Variants in MAP4 observed in about 807,000 individuals in gnomAD.
MAP4 encodes microtubule-associated protein 4.
A neutral mutation model predicts 170.2 loss-of-function variants in MAP4; 76 were observed. The observed-to-expected ratio is 0.45, with a 90% confidence interval of 0.37 to 0.54. The LOEUF is 0.54. MAP4 is among the 20% of genes least tolerant of loss of function. MAP4 has a pLI of 0.00. For missense variants in MAP4, 2,506 were observed against 2,748.0 expected (o/e 0.91, Z 1.97); for synonymous variants, 909 against 994.5 (o/e 0.91, Z 1.62).
chr3:48,005,504 A>AG (rs1211960857), intron 1 of MAP4, among the ~76,000 whole-genome samples: 5 of 152,230 alleles, frequency 3.3e-5, no homozygotes, highest in African/African-American at 9.7e-5. Flanking sequence ...CCCACTAAGT[A>AG]GGGACTCTGC....
chr3:47,910,195 T>C lies in MAP4; in HGVS notation c.4226A>G (p.Asp1409Gly), dbSNP rs992709726. 2 of 1,613,358 alleles carry C rather than the reference T, an allele frequency of 1.2e-6. No homozygotes were observed. Among genetic ancestry groups the C allele is most frequent in the African/African-American group, 2.7e-5 (2 of 74,926 alleles). ...DQGIEGMAYM[D>G]ENRNITFTCP... ...GGTAAATGTAATATTTCTATTTTCGTCCATATAGGCCATTCCTTCAATTCC... is the reference window on the plus strand; with the variant it reads ...GGTAAATGTAATATTTCTATTTTCGCCCATATAGGCCATTCCTTCAATTCC... The change falls in exon 9 of 21, where the codon GAC becomes GGC. Residue 1409 changes from aspartate to glycine, a missense_variant. Coordinates refer to ENST00000683076, the MANE Select transcript of MAP4 (RefSeq NM_001385682.1).
chr3:47,892,327 G>C, intron 10 of MAP4: 1 of 1,536,252 alleles, frequency 6.5e-7, no homozygotes, highest in Non-Finnish European at 8.7e-7. Flanking sequence ...CGTCCATGCT[G>C]ACATTCAGCC....
chr3:47,896,160 T>A (rs1313103178), intron 10 of MAP4, among the ~76,000 whole-genome samples: 1 of 152,064 alleles, frequency 6.6e-6, no homozygotes, highest in African/African-American at 2.4e-5. Flanking sequence ...ATTGAGGGAA[T>A]ATATATAAAA....
chr3:47,946,654 C>T (rs1355624750), intron 3 of MAP4, among the ~76,000 whole-genome samples: 2 of 40,814 alleles, frequency 4.9e-5, no homozygotes, highest in African/African-American at 1.9e-4. Flanking sequence ...AACTCCGTCT[C>T]AAAAAAAAAA....
intron 11 of MAP4, 70 bp downstream of exon 11, chr3:47,877,347 G>T: frequency 8.7e-7 from 1 of 1,151,432 alleles, no homozygotes; most frequent in Non-Finnish European, 1.3e-6. Context: ...CGTGATTCAA[G>T]CAATAACAGC....
intron 11 of MAP4, 126 bp downstream of exon 11, chr3:47,877,291 A>G: frequency 1.4e-6 from 1 of 712,490 alleles, no homozygotes; most frequent in Non-Finnish European, 2.4e-6. Context: ...AAGCATGTCC[A>G]AACATGAGGA....
chr3:47,941,583 C>A (rs1339853773), intron 3 of MAP4, among the ~76,000 whole-genome samples: 2 of 150,848 alleles, frequency 1.3e-5, no homozygotes, highest in African/African-American at 4.9e-5. Context: ...CGAGACCAGC[C>A]TGGCTAACAT....
At chr3:48,035,462 C>T (rs1221147711) in intron 1 of MAP4, among the ~76,000 whole-genome samples, 2 of 151,360 alleles carry the variant, frequency 1.3e-5, no homozygotes, top group African/African-American at 4.9e-5. Context: ...AGGGAGATCC[C>T]GTCTCAACAA....
Position 48,055,722 on chromosome 3 carries a change from C to T in MAP4, c.-20+33051G>A, listed in dbSNP as rs1485707787. ...GCTGCCCAGTCTGGAAAGTGAGGAG[C>T]GTCTCCGCCCGGCCGCCATCCCATC... On this transcript the variant is annotated intron_variant, in intron 1 of 18. Coordinates refer to the MAP4 transcript ENST00000360240. 4.7e-5 allele frequency among the ~76,000 whole-genome samples: 4 copies of T among 84,410 alleles called. No homozygotes were observed. In the East Asian group the frequency reaches 1.3e-3, roughly 27 times the overall value. 55.4% of individuals were successfully genotyped at this position (84,410 alleles called of 152,430 possible).
At chr3:48,006,327 G>C (rs542052339) in intron 1 of MAP4, among the ~76,000 whole-genome samples, 2 of 152,202 alleles carry the variant, frequency 1.3e-5, no homozygotes, top group Admixed American at 6.5e-5. Flanking sequence ...TTTCACTTTG[G>C]GGACTACTGG....
chr3:47,874,256 T>C (rs529958955), intron 12 of MAP4, among the ~76,000 whole-genome samples: 1 of 152,146 alleles, frequency 6.6e-6, no homozygotes, highest in Admixed American at 6.5e-5. Context: ...TCACCTGAGG[T>C]CAGGAGTTCG....
intron 9 of MAP4, 107 bp from the exon 10 acceptor site, chr3:47,903,107 T>C (rs576153949): frequency 1.1e-4 from 25 of 218,146 alleles, no homozygotes; most frequent in East Asian, 5.5e-4. Flanking sequence ...AGTAGCAGCA[T>C]AGCAAGTACA....
At position 47,863,060 on chromosome 3, in the gene MAP4, TC is replaced by T. The variant is rs1262032843; in HGVS notation, c.6501+4185del. Among the ~76,000 whole-genome samples, 3 of 149,704 alleles carry T rather than the reference TC, an allele frequency of 2.0e-5. No individual in the cohort carries two copies. In the Admixed American group the frequency reaches 2.0e-4, roughly 10 times the overall value. On this transcript the variant is annotated intron_variant, in intron 17 of 20. Transcript: ENST00000683076. The stretch of plus-strand genomic sequence containing the variant: ...GGCACAATCTCGGCTCACCATAACC[TC>T]CGCCTCCCAGGATCAAGCGATTCTC...
intron 3 of MAP4, among the ~76,000 whole-genome samples, chr3:47,934,446 C>A (rs1011960235): frequency 2.6e-5 from 4 of 152,110 alleles, no homozygotes; most frequent in Non-Finnish European, 5.9e-5. Flanking sequence ...GGACTACAAG[C>A]ACGTGCCATC....
intron 3 of MAP4, chr3:47,974,401 G>T: frequency 1.1e-6 from 1 of 910,418 alleles, no homozygotes. Context: ...CTCCAGCCTA[G>T]GCAAGAGTGA....
intron 9 of MAP4, among the ~76,000 whole-genome samples, chr3:47,905,681 TGAA>T (rs2100032561): frequency 1.4e-5 from 2 of 139,206 alleles, no homozygotes; most frequent in East Asian, 4.0e-4. Flanking sequence ...TGTTAATACA[TGAA>T]GAAGTCACTA....
chr3:48,022,349 T>C (rs1690870246), intron 1 of MAP4, among the ~76,000 whole-genome samples: 1 of 152,024 alleles, frequency 6.6e-6, no homozygotes, highest in African/African-American at 2.4e-5. Flanking sequence ...GGAGGATCAT[T>C]TGAGCCCAGG....
intron 1 of MAP4, among the ~76,000 whole-genome samples, chr3:48,009,620 T>G (rs1198172742): frequency 2.0e-5 from 3 of 152,228 alleles, no homozygotes; most frequent in Non-Finnish European, 4.4e-5. Context: ...GACAATACTT[T>G]GCAGAACTGT....
chr3:48,032,048 C>T (rs1238801187), intron 1 of MAP4, among the ~76,000 whole-genome samples: 2 of 152,024 alleles, frequency 1.3e-5, no homozygotes, highest in African/African-American at 2.4e-5. Flanking sequence ...AGACAACTCC[C>T]AACTGAAGGA....
Sources: gnomAD v4.1 joint callset for allele counts (sites outside exome capture counted in the v4.1 genomes callset) on GRCh38, gnomAD v4.1.1 for gene constraint, MANE v1.5 for transcripts, NCBI Gene and HGNC (gene_info 2026-07-23, HGNC 2026-07-21) for gene names.